Variants in FILIP1L observed in about 807,000 individuals in gnomAD.
FILIP1L encodes filamin A interacting protein 1 like, also known as filamin A-interacting protein 1-like.
Under a neutral mutation model 96.6 loss-of-function variants are expected in FILIP1L, and 55 were observed. That is an observed-to-expected ratio of 0.57 (90% CI 0.46 to 0.71). FILIP1L has a LOEUF of 0.71. Among genes scored for constraint, FILIP1L ranks in the 30% least tolerant of loss-of-function variants. The pLI, the probability that FILIP1L is intolerant of heterozygous loss-of-function variation, is 0.00. For synonymous variants in FILIP1L, 467 were observed against 473.9 expected (o/e 0.99, Z 0.19); for missense variants, 1,304 against 1,321.2 (o/e 0.99, Z 0.20).
At chr3:99,930,106 G>T in intron 2 of FILIP1L, 77 bp from the exon 3 acceptor site, 3 of 1,226,264 alleles carry the variant, frequency 2.4e-6, no homozygotes, top group Non-Finnish European at 3.4e-6. Flanking sequence ...GTGATAGTTG[G>T]CAGTGCTTTT....
intron 1 of FILIP1L, among the ~76,000 whole-genome samples, chr3:100,034,095 G>A (rs2065066438): frequency 6.6e-6 from 1 of 152,162 alleles, no homozygotes; most frequent in Non-Finnish European, 1.5e-5. Context: ...AAGAAAAGAA[G>A]TAATTTGCAT....
rs775782838 is a variant in FILIP1L, at chr3:99,830,625, C to T, written c.3382-20G>A. ...CTTGATCTTGAATTAAACAAGAGAA[C>T]AAAAGGTAATTAATGGTACAGTTGG... On this transcript the variant is annotated intron_variant, in intron 5 of 5. Transcript: ENST00000477258. The T allele has an allele frequency of 1.5e-5, 7 of 456,080 alleles. No homozygotes were observed. The highest frequency in any genetic ancestry group is 9.3e-5 in the South Asian group (6 of 64,516). The allele number at this position is 456,080 out of a possible 1,614,324, so 28.3% of individuals were successfully genotyped here. A position where few individuals can be genotyped will look rare whatever the true frequency, so the allele number is the denominator to read the frequency against.
At chr3:99,927,392 G>T (rs562443579) in intron 3 of FILIP1L, among the ~76,000 whole-genome samples, 1 of 148,242 alleles carries the variant, frequency 6.7e-6, no homozygotes, top group Non-Finnish European at 1.5e-5. Context: ...TTTTTGAGAC[G>T]GAGTTTCGCT....
At chr3:100,012,761 CTTTTT>C (rs35737304) in intron 1 of FILIP1L, among the ~76,000 whole-genome samples, 2 of 93,602 alleles carry the variant, frequency 2.1e-5, no homozygotes, top group African/African-American at 3.6e-5. Context: ...GAAGCATATT[CTTTTT>C]TTTTTTTTTT....
At chr3:100,101,898 G>T (rs1425753574) in intron 1 of FILIP1L, among the ~76,000 whole-genome samples, 1 of 152,048 alleles carries the variant, frequency 6.6e-6, no homozygotes, top group South Asian at 2.1e-4. Context: ...GCGATAGTTT[G>T]CTGAGAATGA....
At chr3:100,050,646 C>T (rs1239357117) in intron 1 of FILIP1L, among the ~76,000 whole-genome samples, 2 of 152,180 alleles carry the variant, frequency 1.3e-5, no homozygotes, top group Non-Finnish European at 2.9e-5. Flanking sequence ...ATTCTCCTGC[C>T]TCAGCCTCCA....
chr3:100,047,901 C>T (rs1303006552), intron 1 of FILIP1L, among the ~76,000 whole-genome samples: 2 of 152,046 alleles, frequency 1.3e-5, no homozygotes, highest in Non-Finnish European at 2.9e-5. Context: ...ATGGAGGTAG[C>T]TTCTGGCACT....
intron 1 of FILIP1L, among the ~76,000 whole-genome samples, chr3:100,085,170 G>C (rs1020644213): frequency 1.3e-5 from 2 of 152,156 alleles, no homozygotes; most frequent in African/African-American, 4.8e-5. Context: ...CCTGGATATG[G>C]AATTGTTTTA....
intron 1 of FILIP1L, among the ~76,000 whole-genome samples, chr3:100,093,218 T>A (rs957741014): frequency 5.3e-5 from 8 of 152,164 alleles, no homozygotes; most frequent in African/African-American, 1.9e-4. Flanking sequence ...TATACTGAGT[T>A]GAGCAGCTTA....
chr3:99,976,073 C>A (rs939864047), intron 1 of FILIP1L, among the ~76,000 whole-genome samples: 13 of 151,962 alleles, frequency 8.6e-5, no homozygotes, highest in Non-Finnish European at 1.9e-4. Flanking sequence ...TTAGTAGAGA[C>A]GAGGTTTCGC....
chr3:99,834,939 T>A (rs552692112), intron 5 of FILIP1L, among the ~76,000 whole-genome samples: 1 of 152,322 alleles, frequency 6.6e-6, no homozygotes, highest in East Asian at 1.9e-4. Context: ...GGAGTAGAGA[T>A]ATTGTGTAAT....
intron 4 of FILIP1L, among the ~76,000 whole-genome samples, chr3:99,883,632 C>A (rs552459961): frequency 1.7e-3 from 266 of 152,232 alleles, no homozygotes; most frequent in African/African-American, 6.0e-3. Flanking sequence ...CAACTGCACA[C>A]CCAAATGTTG....
intron 1 of FILIP1L, among the ~76,000 whole-genome samples, chr3:99,948,361 A>C (rs1708073388): frequency 6.6e-6 from 1 of 152,000 alleles, no homozygotes; most frequent in Admixed American, 6.5e-5. Context: ...TTTTTTAAAA[A>C]TTAAGTAAAA....
At chr3:99,998,113 T>C (rs970545196) in intron 1 of FILIP1L, among the ~76,000 whole-genome samples, 1 of 152,224 alleles carries the variant, frequency 6.6e-6, no homozygotes, top group African/African-American at 2.4e-5. Context: ...AAATTCAGAA[T>C]CATAGTGTAC....
chr3:100,088,798 A>G (rs1177758789), intron 1 of FILIP1L, among the ~76,000 whole-genome samples: 3 of 151,828 alleles, frequency 2.0e-5, no homozygotes, highest in African/African-American at 4.8e-5. Flanking sequence ...ACTTTTTTGT[A>G]TCTTTTAATT....
intron 1 of FILIP1L, among the ~76,000 whole-genome samples, chr3:100,029,881 A>G (rs2064994706): frequency 6.6e-6 from 1 of 152,166 alleles, no homozygotes; most frequent in Non-Finnish European, 1.5e-5. Context: ...ATCAAACTAT[A>G]TGTCATCTGG....
At chr3:99,919,316 G>A (rs902777453) in intron 4 of FILIP1L, among the ~76,000 whole-genome samples, 1 of 151,180 alleles carries the variant, frequency 6.6e-6, no homozygotes, top group Admixed American at 6.6e-5. Context: ...AGAAGAATCA[G>A]TATCAGGTCT....
At chr3:99,918,985 A>G (rs1213327999) in intron 4 of FILIP1L, among the ~76,000 whole-genome samples, 2 of 152,228 alleles carry the variant, frequency 1.3e-5, no homozygotes, top group Non-Finnish European at 2.9e-5. Flanking sequence ...TTTGAGTACA[A>G]TGTATTCTAC....
chr3:99,881,196 A>G (rs1308232528), intron 4 of FILIP1L, among the ~76,000 whole-genome samples: 2 of 152,238 alleles, frequency 1.3e-5, no homozygotes, highest in African/African-American at 2.4e-5. Context: ...GGTAAGTAGA[A>G]TGACTTAGAA....
Sources: allele counts gnomAD v4.1 joint callset (sites outside exome capture counted in the v4.1 genomes callset), GRCh38; gene constraint gnomAD v4.1.1; transcripts MANE v1.5; gene names NCBI Gene and HGNC (gene_info 2026-07-23, HGNC 2026-07-21).